EAPP: variants seen among roughly 807,000 people sequenced by gnomAD.
The protein encoded by EAPP is E2F associated phosphoprotein, also known as E2F-associated phosphoprotein.
A neutral mutation model predicts 34.3 loss-of-function variants in EAPP; 38 were observed. The observed-to-expected ratio is 1.11, with a 90% CI of 0.85 to 1.45. EAPP has a LOEUF of 1.45. Ranked by LOEUF, EAPP falls within the 40% of genes most tolerant of loss-of-function variation. The pLI, the probability that EAPP is intolerant of heterozygous loss-of-function variation, is 0.00. For missense variants in EAPP, 338 were observed against 343.7 expected, an observed-to-expected ratio of 0.98 and a Z score of 0.13; for synonymous variants, 113 against 117.6, an observed-to-expected ratio of 0.96 and a Z score of 0.25.
chr14:34,519,924 GC>G (rs1245164817), intron 5 of EAPP, among the ~76,000 whole-genome samples: 1 of 126,410 alleles, frequency 7.9e-6, no homozygotes, highest in Non-Finnish European at 1.6e-5. Flanking sequence ...CGCCCTTGTT[GC>G]CCAGGCTGAA....
intron 4 of EAPP, among the ~76,000 whole-genome samples, chr14:34,525,245 C>T (rs1412640829): frequency 6.6e-6 from 1 of 152,106 alleles, no homozygotes; most frequent in Non-Finnish European, 1.5e-5. Flanking sequence ...AGTATAACTC[C>T]CTAGTCCTTA....
intron 2 of EAPP, 161 bp downstream of exon 2, chr14:34,535,933 A>T: frequency 1.8e-6 from 1 of 541,764 alleles, no homozygotes; most frequent in Non-Finnish European, 3.1e-6. Flanking sequence ...AAATGAGAAA[A>T]GGAAGACTCT....
chr14:34,523,222 T>A (rs1879974707), intron 5 of EAPP, among the ~76,000 whole-genome samples: 2 of 150,394 alleles, frequency 1.3e-5, no homozygotes, highest in Admixed American at 1.4e-4. Context: ...GCTGCTATTT[T>A]GCACTAGAAA....
At chr14:34,521,194 G>A (rs1277431521) in intron 5 of EAPP, among the ~76,000 whole-genome samples, 3 of 151,776 alleles carry the variant, frequency 2.0e-5, no homozygotes, top group Non-Finnish European at 2.9e-5. Flanking sequence ...TCAGCCTCCC[G>A]AGTAGCTTGG....
rs1471892810 is a variant in EAPP at position 34,516,392 on chromosome 14, C to A, written c.776G>T (p.Cys259Phe). Residue 259 changes from cysteine to phenylalanine, a missense_variant, in exon 6 of 6, where the codon TGC becomes TTC. Transcript: ENST00000250454. ...TGCCACTTCAGTGGAACATTCAGTG[C>A]ACATGACTGGGTGATAGATTTCTTC... ...DVEEIYHPVM[C>F]TECSTEVAVY... 6.2e-7 allele frequency: 1 copy of A among 1,614,194 alleles called. No individual in the cohort carries two copies.
intron 5 of EAPP, among the ~76,000 whole-genome samples, chr14:34,520,118 C>T (rs955806953): frequency 8.6e-5 from 13 of 151,870 alleles, no homozygotes; most frequent in Non-Finnish European, 1.6e-4. Context: ...AACTCCTGAC[C>T]ACAGGTGATC....
At chr14:34,534,227 G>C (rs1880389027) in intron 2 of EAPP, among the ~76,000 whole-genome samples, 1 of 151,624 alleles carries the variant, frequency 6.6e-6, no homozygotes. Flanking sequence ...CTGCCACCTG[G>C]GTTCAGGTGA....
At chr14:34,523,422 A>C (rs1879984564) in intron 5 of EAPP, among the ~76,000 whole-genome samples, 1 of 151,850 alleles carries the variant, frequency 6.6e-6, no homozygotes, top group Non-Finnish European at 1.5e-5. Context: ...TATTTTTAAT[A>C]GAGACAGGGT....
rs1880043900 is a variant in EAPP at position 34,524,819 on chromosome 14, GAAGA to G, written c.471-16_471-13del. 6.3e-7 allele frequency: 1 copy of G among 1,599,648 alleles called. No individual in the cohort carries two copies. Among genetic ancestry groups the G allele is most frequent in the African/African-American group, 1.3e-5 (1 of 74,340 alleles). On this transcript the variant is annotated splice_polypyrimidine_tract_variant and intron_variant, in intron 4 of 5. Transcript: ENST00000250454. ...CCAAACCATGGTAACTAGAACAGAA[GAAGA>G]AAGTGGGGAGAAAAACATATTAAAA...
At position 34,516,208 on chromosome 14, in the gene EAPP, G is replaced by A. The variant is rs972996059; in HGVS notation, c.*102C>T. ...ATTCTCCTTTAAAAAGAGAAACACT[G>A]CTTCCTCAATGTCACTGAAGGATAT... is the stretch of plus-strand genomic sequence containing the variant. On this transcript the variant is annotated 3_prime_UTR_variant, in exon 6 of 6. Coordinates refer to ENST00000250454, the MANE Select transcript of EAPP (RefSeq NM_018453.4). 2.2e-5 allele frequency: 24 copies of A among 1,105,774 alleles called. No individual in the cohort carries two copies. In the Admixed American group the frequency reaches 6.0e-4, roughly 28 times the overall value. 68.5% of individuals were successfully genotyped at this position (1,105,774 alleles called of 1,614,324 possible).
intron 4 of EAPP, among the ~76,000 whole-genome samples, chr14:34,527,168 CA>C (rs35039984): frequency 0.025 from 2,664 of 106,784 alleles, 72 homozygotes; most frequent in African/African-American, 0.088. Flanking sequence ...AACTCCGTCT[CA>C]AAAAAAAAAA....
At chr14:34,528,582 C>T (rs1880171541) in intron 4 of EAPP, among the ~76,000 whole-genome samples, 1 of 150,758 alleles carries the variant, frequency 6.6e-6, no homozygotes, top group South Asian at 2.1e-4. Context: ...CCACTATGGC[C>T]CCACTAATTT....
At chr14:34,533,332 G>A (rs1371331504) in intron 3 of EAPP, 112 bp downstream of exon 3, 1 of 845,640 alleles carries the variant, frequency 1.2e-6, no homozygotes, top group Non-Finnish European at 1.9e-6. Context: ...ACCATGCCTA[G>A]CTGTAATTTC....
Position 34,516,463 on chromosome 14 carries a change from C to T in EAPP, c.705G>A (p.Met235Ile). ...NRKKRRVHKK[M>I]RSNREDAAEK... ...CGGCAGCATCTTCCCGGTTAGACCT[C>T]ATCTTCTTATGGACCCGCCTTTTCT... Residue 235 changes from methionine (M) to isoleucine (I), a missense_variant, in exon 6 of 6, where the codon ATG becomes ATA. By Grantham distance (10) the Met-to-Ile change is conservative. Transcript: ENST00000250454. 1.2e-6 allele frequency: 2 copies of T among 1,614,180 alleles called. No homozygotes were observed. Among genetic ancestry groups the T allele is most frequent in the Non-Finnish European group, 1.7e-6 (2 of 1,180,036 alleles).
chr14:34,517,191 G>A (rs1394552453), intron 5 of EAPP, among the ~76,000 whole-genome samples: 1 of 151,368 alleles, frequency 6.6e-6, no homozygotes, highest in Non-Finnish European at 1.5e-5. Context: ...GCCCGCCTCG[G>A]CCTCCCAAAG....
At chr14:34,537,650 T>C (rs1880520195) in intron 1 of EAPP, among the ~76,000 whole-genome samples, 1 of 152,228 alleles carries the variant, frequency 6.6e-6, no homozygotes, top group Admixed American at 6.5e-5. Flanking sequence ...CTGTCTTCTA[T>C]GAAAGAGGTG....
intron 3 of EAPP, among the ~76,000 whole-genome samples, chr14:34,529,906 C>T (rs893416988): frequency 3.3e-5 from 5 of 152,152 alleles, no homozygotes; most frequent in African/African-American, 7.2e-5. Flanking sequence ...ATCCCAGCTA[C>T]TTGGGGGCCT....
intron 2 of EAPP, 67 bp downstream of exon 2, chr14:34,536,027 G>A (rs2138225388): frequency 1.7e-6 from 2 of 1,158,436 alleles, no homozygotes; most frequent in Non-Finnish European, 2.5e-6. Context: ...ACATAGAAGA[G>A]CACAAATAAG....
chr14:34,516,355 C>G lies in EAPP; in HGVS notation c.813G>C (p.Lys271Asn), dbSNP rs752888028. ...CATTGAAAAAATGAAAGACTTCATC[C>G]TTGTCGTAGACTGCCACTTCAGTGG... ...ECSTEVAVYD[K>N]DEVFHFFNVL... Residue 271 changes from lysine (K) to asparagine (N), a missense_variant, in exon 6 of 6, where the codon AAG becomes AAC. By Grantham distance (94) the Lys-to-Asn change is moderately conservative (BLOSUM62 0). Transcript: ENST00000250454. The G allele has an allele frequency of 1.3e-5, 21 of 1,613,414 alleles. No homozygotes were observed. Among genetic ancestry groups the G allele is most frequent in the Non-Finnish European group, 1.4e-5 (17 of 1,179,808 alleles).
Sources: gnomAD v4.1 joint callset for allele counts (sites outside exome capture counted in the v4.1 genomes callset) on GRCh38, gnomAD v4.1.1 for gene constraint, MANE v1.5 for transcripts, NCBI Gene and HGNC (gene_info 2026-07-23, HGNC 2026-07-21) for gene names.